The following SGCZ variants were observed in gnomAD, a reference collection of about 807,000 sequenced individuals.
SGCZ encodes sarcoglycan zeta, also known as zeta-sarcoglycan.
A neutral mutation model predicts 41.3 loss-of-function variants in SGCZ; 40 were observed. The observed-to-expected ratio is 0.97, with a 90% CI of 0.75 to 1.26. The LOEUF is 1.26. Among genes scored for constraint, SGCZ ranks in the 50% most tolerant of loss-of-function variants. The pLI is 0.00. For missense variants in SGCZ, 552 were observed against 369.8 expected, an observed-to-expected ratio of 1.49 and a Z score of -4.04; for synonymous variants, 206 against 137.5, an observed-to-expected ratio of 1.50 and a Z score of -3.49.
chr8:15,148,833 G>A (rs927613321), intron 1 of SGCZ, among the ~76,000 whole-genome samples: 2 of 152,150 alleles, frequency 1.3e-5, no homozygotes, highest in African/African-American at 2.4e-5. Context: ...CAGGAAAGAG[G>A]AGAGTGAAAG....
At chr8:14,866,976 A>G (rs771419027) in intron 1 of SGCZ, among the ~76,000 whole-genome samples, 1 of 152,114 alleles carries the variant, frequency 6.6e-6, no homozygotes, top group Non-Finnish European at 1.5e-5. Flanking sequence ...CCTAGGATAC[A>G]TGTATATGTA....
At position 14,253,902 on chromosome 8, in the gene SGCZ, T is replaced by C. The variant is rs906864921; in HGVS notation, c.337-16223A>G. 4.7e-5 allele frequency among the ~76,000 whole-genome samples: 7 copies of C among 149,734 alleles called. No homozygotes were observed. The East Asian group carries it at 1.2e-3, about 26-fold the overall frequency. On this transcript the variant is annotated intron_variant, in intron 3 of 7. Transcript: ENST00000382080. ...ACCATAGGACTTTCAAAAATCTTTT[T>C]TACATGTAAAAAATTACAGTTTTTC...
intron 2 of SGCZ, among the ~76,000 whole-genome samples, chr8:14,377,017 C>T (rs1400573665): frequency 6.6e-6 from 1 of 152,112 alleles, no homozygotes; most frequent in Non-Finnish European, 1.5e-5. Flanking sequence ...TTGTTATACA[C>T]AATAAACCCC....
At chr8:15,173,660 G>C (rs1396571371) in intron 1 of SGCZ, among the ~76,000 whole-genome samples, 1 of 152,170 alleles carries the variant, frequency 6.6e-6, no homozygotes, top group East Asian at 1.9e-4. Context: ...GTAAGACACA[G>C]AACATTCCCT....
In SGCZ at chr8:15,062,318, A is replaced by T. The variant is rs1299737712; in HGVS notation, c.39+175267T>A. Reference sequence around the variant, plus strand: ...AAGCTTATAAATAAAACCTGAAAATAAAGCCTCTTCTTCTATTAAAATAAT... The same window carrying T: ...AAGCTTATAAATAAAACCTGAAAATTAAGCCTCTTCTTCTATTAAAATAAT... On this transcript the variant is annotated intron_variant, in intron 1 of 7. Transcript: ENST00000382080. Among the ~76,000 whole-genome samples the T allele has an allele frequency of 6.6e-5, 10 of 152,328 alleles. No individual in the cohort carries two copies. The East Asian group carries it at 1.9e-3, about 29-fold the overall frequency.
intron 1 of SGCZ, among the ~76,000 whole-genome samples, chr8:14,659,114 C>G (rs1262005319): frequency 1.3e-5 from 2 of 151,906 alleles, no homozygotes; most frequent in African/African-American, 4.8e-5. Flanking sequence ...GTATTTAAAT[C>G]AAGTTTAAAG....
chr8:15,100,662 T>C (rs535556213), intron 1 of SGCZ, among the ~76,000 whole-genome samples: 49 of 152,246 alleles, frequency 3.2e-4, no homozygotes, highest in South Asian at 1.0e-3. Flanking sequence ...GAAAATAAAG[T>C]TGAAGGACAG....
At chr8:14,761,491 G>A (rs1160472802) in intron 1 of SGCZ, among the ~76,000 whole-genome samples, 1 of 148,880 alleles carries the variant, frequency 6.7e-6, no homozygotes, top group Non-Finnish European at 1.5e-5. Flanking sequence ...AAGATTAATT[G>A]TACATGTTTC....
chr8:14,443,782 C>A (rs182741729), intron 2 of SGCZ, among the ~76,000 whole-genome samples: 10,952 of 150,676 alleles, frequency 0.073, 610 homozygotes, highest in East Asian at 0.23. Context: ...CACCAAAAGC[C>A]ATGGCAACAA....
chr8:14,679,099 G>A (rs1808362580), intron 1 of SGCZ, among the ~76,000 whole-genome samples: 1 of 152,136 alleles, frequency 6.6e-6, no homozygotes, highest in South Asian at 2.1e-4. Context: ...TGGCACATGT[G>A]TTTGAGGTAG....
At chr8:15,172,595 A>C (rs1046043234) in intron 1 of SGCZ, among the ~76,000 whole-genome samples, 15 of 152,132 alleles carry the variant, frequency 9.9e-5, no homozygotes, top group Admixed American at 8.5e-4. Context: ...TTCAATTTAC[A>C]TGGTCAACTT....
chr8:15,035,517 T>G (rs374201414), intron 1 of SGCZ, among the ~76,000 whole-genome samples: 2 of 152,130 alleles, frequency 1.3e-5, no homozygotes, highest in Non-Finnish European at 2.9e-5. Context: ...TTGCCTTAAA[T>G]GTAACTGGAT....
At chr8:15,132,813 A>G (rs1807961537) in intron 1 of SGCZ, among the ~76,000 whole-genome samples, 1 of 152,150 alleles carries the variant, frequency 6.6e-6, no homozygotes, top group African/African-American at 2.4e-5. Flanking sequence ...TCACCACCAT[A>G]CCATTGCTAA....
intron 1 of SGCZ, among the ~76,000 whole-genome samples, chr8:14,677,247 G>A (rs1247093811): frequency 6.6e-6 from 1 of 151,572 alleles, no homozygotes; most frequent in Non-Finnish European, 1.5e-5. Context: ...AGTAAATCTA[G>A]AAAAATATAA....
At chr8:14,638,886 T>C (rs12681609) in intron 1 of SGCZ, among the ~76,000 whole-genome samples, 100,813 of 151,552 alleles carry the variant, frequency 0.67, 33,712 homozygotes, top group East Asian at 0.78. Flanking sequence ...ATGTGTGGCA[T>C]TCATCAAATG....
chr8:14,855,125 T>G (rs1483004632), intron 1 of SGCZ, among the ~76,000 whole-genome samples: 1 of 151,984 alleles, frequency 6.6e-6, no homozygotes, highest in African/African-American at 2.4e-5. Flanking sequence ...CAATCTTGGC[T>G]CACTGCAACC....
chr8:14,863,072 C>T (rs1041707828), intron 1 of SGCZ, among the ~76,000 whole-genome samples: 3 of 152,018 alleles, frequency 2.0e-5, no homozygotes, highest in African/African-American at 4.8e-5. Flanking sequence ...GTTCATCGCT[C>T]GGTTATGTAT....
At chr8:14,232,463 T>C (rs1806605936) in intron 4 of SGCZ, among the ~76,000 whole-genome samples, 1 of 152,076 alleles carries the variant, frequency 6.6e-6, no homozygotes, top group Non-Finnish European at 1.5e-5. Context: ...ATGACATTCT[T>C]CCTTATTAAC....
intron 5 of SGCZ, among the ~76,000 whole-genome samples, chr8:14,139,105 G>C (rs1228284317): frequency 6.6e-6 from 1 of 152,112 alleles, no homozygotes; most frequent in Non-Finnish European, 1.5e-5. Flanking sequence ...GGTAAATCAT[G>C]AAATGAAGGC....
Sources: allele counts gnomAD v4.1 joint callset (sites outside exome capture counted in the v4.1 genomes callset), GRCh38; gene constraint gnomAD v4.1.1; transcripts MANE v1.5; gene names NCBI Gene and HGNC (gene_info 2026-07-23, HGNC 2026-07-21).